The following SOX5 variants were observed in gnomAD, a reference collection of about 807,000 sequenced individuals.
The protein encoded by SOX5 is SRY-box transcription factor 5.
Under a neutral mutation model 92.0 loss-of-function variants are expected in SOX5, and 9 were observed. The ratio of observed to expected loss-of-function variants is 0.10; its 90% CI spans 0.06 to 0.17. The LOEUF (loss-of-function observed/expected upper bound fraction) is 0.17. Ranked by LOEUF, SOX5 falls within the 10% of genes least tolerant of loss-of-function variation. SOX5 has a pLI of 1.00. For synonymous variants in SOX5, 344 were observed against 336.3 expected, an observed-to-expected ratio of 1.02 and a Z score of -0.25; for missense variants, 642 against 944.5, an observed-to-expected ratio of 0.68 and a Z score of 4.20.
intron 1 of SOX5, among the ~76,000 whole-genome samples, chr12:24,478,970 T>C (rs1206110072): frequency 6.6e-6 from 1 of 152,210 alleles, no homozygotes; most frequent in African/African-American, 2.4e-5. Context: ...AGGACTCCTA[T>C]TATCTGGTTC....
intron 1 of SOX5, among the ~76,000 whole-genome samples, chr12:24,438,949 A>G (rs1379456881): frequency 1.3e-5 from 2 of 152,374 alleles, no homozygotes; most frequent in East Asian, 1.9e-4. Flanking sequence ...AAGAAGTTCT[A>G]CTGTGGGTAA....
intron 3 of SOX5, among the ~76,000 whole-genome samples, chr12:23,797,824 T>C (rs954659543): frequency 1.3e-5 from 2 of 152,074 alleles, no homozygotes; most frequent in African/African-American, 4.8e-5. Flanking sequence ...ATGTAGCCTC[T>C]CTTTACCTCT....
chr12:23,931,964 C>T (rs1405825183), intron 1 of SOX5, among the ~76,000 whole-genome samples: 1 of 151,400 alleles, frequency 6.6e-6, no homozygotes, highest in Non-Finnish European at 1.5e-5. Flanking sequence ...AGCCCTATTT[C>T]CTCAACAAGG....
At chr12:24,258,334 G>A (rs911204006) in intron 3 of SOX5, among the ~76,000 whole-genome samples, 1 of 152,172 alleles carries the variant, frequency 6.6e-6, no homozygotes, top group Non-Finnish European at 1.5e-5. Flanking sequence ...TTACCTTTGA[G>A]CAGCAATGAA....
In SOX5 at chr12:24,007,163, ATT is replaced by A. The variant is rs1420421742; in HGVS notation, c.-1-111141_-1-111140del. 1.2e-3 allele frequency among the ~76,000 whole-genome samples: 33 copies of A among 27,708 alleles called. 3 individuals are homozygous for A. The highest frequency in any genetic ancestry group is 2.9e-3 in the African/African-American group (31 of 10,642). The allele number at this position is 27,708 out of a possible 152,430, so 18.2% of individuals were successfully genotyped here. On this transcript the variant is annotated intron_variant, in intron 4 of 4. Transcript: ENST00000446891. ...AAAATATATATATATATATATATAC[ATT>A]TATATATGTATTTATATATATAAAT...
intron 3 of SOX5, among the ~76,000 whole-genome samples, chr12:24,238,174 A>G (rs1050606146): frequency 1.3e-5 from 2 of 152,232 alleles, no homozygotes; most frequent in African/African-American, 4.8e-5. Flanking sequence ...GAAAACATAA[A>G]GTTGCTGAAA....
intron 2 of SOX5, among the ~76,000 whole-genome samples, chr12:24,347,889 G>C (rs188863170): frequency 3.3e-5 from 5 of 151,988 alleles, no homozygotes; most frequent in African/African-American, 4.8e-5. Flanking sequence ...TTGATGAACC[G>C]ACCTGGCCCC....
intron 4 of SOX5, among the ~76,000 whole-genome samples, chr12:24,142,225 G>C (rs956197205): frequency 6.6e-6 from 1 of 152,132 alleles, no homozygotes; most frequent in Non-Finnish European, 1.5e-5. Context: ...AGGAGATTGG[G>C]GGTAAGCAGC....
chr12:23,937,299 A>G (rs1183816873), intron 1 of SOX5, among the ~76,000 whole-genome samples: 5 of 150,970 alleles, frequency 3.3e-5, no homozygotes, highest in African/African-American at 1.2e-4. Context: ...AGCATCTAAT[A>G]TATGATATTT....
intron 3 of SOX5, among the ~76,000 whole-genome samples, chr12:24,222,970 C>A (rs1209497936): frequency 6.6e-6 from 1 of 152,160 alleles, no homozygotes; most frequent in South Asian, 2.1e-4. Flanking sequence ...CTGTCCGGCA[C>A]CCCATACTGA....
intron 2 of SOX5, among the ~76,000 whole-genome samples, chr12:24,303,430 G>C (rs531020864): frequency 4.7e-4 from 71 of 152,148 alleles, no homozygotes; most frequent in Non-Finnish European, 8.7e-4. Context: ...TTTGGCCCTT[G>C]ATGAGAGCAG....
chr12:24,307,514 G>GC, intron 2 of SOX5, among the ~76,000 whole-genome samples: 1 of 30,148 alleles, frequency 3.3e-5, no homozygotes, highest in Admixed American at 6.7e-4. Flanking sequence ...AGGAAGGAAG[G>GC]AAGGCCGGCC....
At chr12:23,772,299 T>G (rs146197522) in intron 3 of SOX5, among the ~76,000 whole-genome samples, 58 of 152,342 alleles carry the variant, frequency 3.8e-4, no homozygotes, top group Middle Eastern at 3.4e-3. Context: ...ATAACTTATC[T>G]TCTCCACTGA....
intron 4 of SOX5, among the ~76,000 whole-genome samples, chr12:24,049,301 G>T (rs1403347782): frequency 6.6e-6 from 1 of 152,140 alleles, no homozygotes; most frequent in Non-Finnish European, 1.5e-5. Flanking sequence ...TTGAGACCAA[G>T]GCGTGATGAA....
rs535576876 is a variant in SOX5 at position 24,216,485 on chromosome 12, G to GA, written c.-76-3069dup. Among the ~76,000 whole-genome samples the GA allele has an allele frequency of 6.4e-4, 95 of 148,948 alleles. 1 individual carries two copies. The East Asian group carries it at 8.1e-3, about 13-fold the overall frequency. ...GGTGACAGAGCGCGACTCCGCCTCG[G>GA]AAAAAAAAAATAAAAAATCCCATGT... On this transcript the variant is annotated intron_variant, in intron 3 of 4. Transcript: ENST00000446891.
chr12:24,534,095 A>G (rs141084691), intron 1 of SOX5, among the ~76,000 whole-genome samples: 42 of 152,344 alleles, frequency 2.8e-4, no homozygotes, highest in Admixed American at 9.1e-4. Flanking sequence ...CTCTCATTCT[A>G]GGTAAAGGTT....
intron 3 of SOX5, among the ~76,000 whole-genome samples, chr12:24,264,983 C>A (rs1317636284): frequency 6.6e-6 from 1 of 152,082 alleles, no homozygotes; most frequent in Non-Finnish European, 1.5e-5. Context: ...AAGAACTACC[C>A]AACTAGGGGA....
chr12:23,614,451 C>T (rs534539371), intron 8 of SOX5, among the ~76,000 whole-genome samples: 4 of 152,126 alleles, frequency 2.6e-5, no homozygotes, highest in East Asian at 1.9e-4. Flanking sequence ...TTTCACTTAG[C>T]GTAACATTTT....
In SOX5 at chr12:23,672,729, A is replaced by G. The variant is rs78914124; in HGVS notation, c.811-7165T>C. 5.0e-3 allele frequency among the ~76,000 whole-genome samples: 763 copies of G among 152,194 alleles called. 4 individuals carry two copies. The highest frequency in any genetic ancestry group is 0.017 in the African/African-American group (724 of 41,528). On this transcript the variant is annotated intron_variant, in intron 6 of 14. Transcript: ENST00000451604. The stretch of plus-strand genomic sequence containing the variant: ...CTTTCTTTCAATGGCTCATTTCACT[A>G]CTGCATTTTTACTTTTGCATGATGT...
Sources: allele counts gnomAD v4.1 joint callset (sites outside exome capture counted in the v4.1 genomes callset), GRCh38; gene constraint gnomAD v4.1.1; transcripts MANE v1.5; gene names NCBI Gene and HGNC (gene_info 2026-07-23, HGNC 2026-07-21).